CBFA2T3: variants seen among roughly 807,000 people sequenced by gnomAD.
The protein encoded by CBFA2T3 is transcriptional corepressor CBFA2T3.
CBFA2T3 carries 31 observed loss-of-function variants against 58.6 expected under a neutral mutation model. That is an observed-to-expected ratio of 0.53 (90% CI 0.40 to 0.71). CBFA2T3 has a LOEUF of 0.71. Ranked by LOEUF, CBFA2T3 falls within the 30% of genes least tolerant of loss-of-function variation. CBFA2T3 has a pLI of 0.00. For missense variants in CBFA2T3, 1,076 were observed against 963.1 expected (o/e 1.12, Z -1.55); for synonymous variants, 531 against 421.9 (o/e 1.26, Z -3.17).
At chr16:88,932,730 C>G (rs1971354090) in intron 1 of CBFA2T3, among the ~76,000 whole-genome samples, 1 of 139,102 alleles carries the variant, frequency 7.2e-6, no homozygotes, top group African/African-American at 2.7e-5. Context: ...GGTGGATCAC[C>G]TGAGGTCAGG....
At chr16:88,967,040 G>A (rs1972522868) in intron 1 of CBFA2T3, among the ~76,000 whole-genome samples, 1 of 152,128 alleles carries the variant, frequency 6.6e-6, no homozygotes, top group Non-Finnish European at 1.5e-5. Context: ...TTTGTAGCAC[G>A]GGAAATTGAC....
chr16:88,925,947 C>T (rs1004416955), intron 1 of CBFA2T3, among the ~76,000 whole-genome samples: 6 of 152,210 alleles, frequency 3.9e-5, no homozygotes, highest in Non-Finnish European at 7.4e-5. Flanking sequence ...AGGACCAGGA[C>T]CAGAAAGACA....
At chr16:88,896,586 T>G (rs1245097371) in intron 3 of CBFA2T3, among the ~76,000 whole-genome samples, 2 of 152,074 alleles carry the variant, frequency 1.3e-5, no homozygotes, top group Non-Finnish European at 2.9e-5. Context: ...CACGGTGGAC[T>G]GTGACACACA....
intron 3 of CBFA2T3, among the ~76,000 whole-genome samples, chr16:88,894,205 T>C (rs1969771839): frequency 7.0e-6 from 1 of 143,160 alleles, no homozygotes; most frequent in Non-Finnish European, 1.5e-5. Context: ...GCACACAATG[T>C]ACACACATGC....
intron 1 of CBFA2T3, among the ~76,000 whole-genome samples, chr16:88,962,495 TGTGATC>T (rs1972390923): frequency 6.6e-6 from 1 of 152,198 alleles, no homozygotes; most frequent in African/African-American, 2.4e-5. Context: ...GGAAAAGCAT[TGTGATC>T]CATTACCCAT....
At chr16:88,899,154 C>T (rs925661705) in intron 2 of CBFA2T3, among the ~76,000 whole-genome samples, 2 of 150,324 alleles carry the variant, frequency 1.3e-5, no homozygotes, top group Admixed American at 6.7e-5. Flanking sequence ...AAACTTCGGC[C>T]CTCAAGTCTC....
intron 1 of CBFA2T3, among the ~76,000 whole-genome samples, chr16:88,947,651 C>G (rs566323564): frequency 6.6e-6 from 1 of 152,336 alleles, no homozygotes; most frequent in Non-Finnish European, 1.5e-5. Flanking sequence ...TGGTGGCTCA[C>G]ACCTGTAATC....
intron 1 of CBFA2T3, among the ~76,000 whole-genome samples, chr16:88,915,275 G>T (rs1366375438): frequency 8.6e-6 from 1 of 116,922 alleles, no homozygotes; most frequent in African/African-American, 3.4e-5. Context: ...GGGTCGCGGG[G>T]TGGGGAAACT....
At chr16:88,915,631 TGTGGAGGAGGAGC>T (rs1386521658) in intron 1 of CBFA2T3, among the ~76,000 whole-genome samples, 2 of 7,950 alleles carry the variant, frequency 2.5e-4, no homozygotes, top group East Asian at 7.4e-3. Flanking sequence ...GAGGGGGGAG[TGTGGAGGAGGAGC>T]GTGGAGGGGG....
intron 5 of CBFA2T3, among the ~76,000 whole-genome samples, chr16:88,888,616 T>TGGGGGGGGGTGGGGGGGGGGGGGGGGGG (rs1969496595): frequency 8.5e-5 from 1 of 11,706 alleles, no homozygotes; most frequent in Non-Finnish European, 1.6e-4. Context: ...AGGGGTGGGG[T>TGGGGGGGGGTGGGGGGGGGGGGGGGGGG]GGGGGCTGCT....
intron 1 of CBFA2T3, among the ~76,000 whole-genome samples, chr16:88,966,358 G>T (rs533853016): frequency 6.6e-6 from 1 of 152,286 alleles, no homozygotes; most frequent in African/African-American, 2.4e-5. Flanking sequence ...GGCAGCCCCT[G>T]TGAGTGCCCA....
chr16:88,920,667 CAATGCCAAAGGCACCAAAAGTGCAGGT>C (rs754772355), intron 1 of CBFA2T3, among the ~76,000 whole-genome samples: 14 of 152,238 alleles, frequency 9.2e-5, no homozygotes, highest in Non-Finnish European at 1.8e-4. Context: ...CCCCACCACG[CAATGCCAAAGGCACCAAAAGTGCAGGT>C]GGACAAGGGC....
intron 1 of CBFA2T3, among the ~76,000 whole-genome samples, chr16:88,907,937 A>G (rs114555839): frequency 0.053 from 8,148 of 152,308 alleles, 358 homozygotes; most frequent in African/African-American, 0.12. Flanking sequence ...GGGTCTGGGC[A>G]TGCAGGAACT....
chr16:88,915,938 G>C (rs1970704224), intron 1 of CBFA2T3, among the ~76,000 whole-genome samples: 1 of 151,012 alleles, frequency 6.6e-6, no homozygotes, highest in Non-Finnish European at 1.5e-5. Context: ...GTGCGTGTGA[G>C]TGTGCATGCA....
chr16:88,885,034 C>T lies in CBFA2T3; in HGVS notation c.1117+12G>A, dbSNP rs369844657. ...ACACGCGTCCACGCTCCCGCCCCAC[C>T]GGGCTGCTCACCAAGCGGCCGATGG... On this transcript the variant is annotated intron_variant, in intron 7 of 11. Coordinates refer to ENST00000268679, the MANE Select transcript of CBFA2T3 (RefSeq NM_005187.6). The surrounding 1 kb of genome is among the most constrained non-coding windows in gnomAD (Gnocchi z 5.3). 8.1e-5 allele frequency: 128 copies of T among 1,583,514 alleles called. No individual in the cohort carries two copies. The highest frequency in any genetic ancestry group is 1.7e-4 in the Middle Eastern group (1 of 5,828).
chr16:88,881,314 G>A lies in CBFA2T3; in HGVS notation c.1379C>T (p.Ala460Val), dbSNP rs1179147280. ...ACCTAGCTGAGGCCCTTCGGGACCG[G>A]CGGAGCTGCTGCGGGGCCGGGCCGC... is the stretch of plus-strand genomic sequence containing the variant. ...PAAARPRSSS[A>V]GPEGPQLDVP... Residue 460 changes from alanine (A) to valine (V), a missense_variant, in exon 9 of 12, where the codon GCC becomes GTC. Transcript: ENST00000268679. 1 of 1,590,450 alleles carries A rather than the reference G, an allele frequency of 6.3e-7. No individual in the cohort carries two copies. Among genetic ancestry groups the A allele is most frequent in the Non-Finnish European group, 8.6e-7 (1 of 1,169,488 alleles).
intron 1 of CBFA2T3, among the ~76,000 whole-genome samples, chr16:88,933,307 TACGCCTCAC>T (rs1473906832): frequency 6.8e-6 from 1 of 146,028 alleles, no homozygotes; most frequent in East Asian, 2.1e-4. Context: ...CGTGCCTCTA[TACGCCTCAC>T]ACGCCTCACA....
intron 1 of CBFA2T3, among the ~76,000 whole-genome samples, chr16:88,955,063 T>C (rs373806430): frequency 0.059 from 355 of 6,052 alleles, no homozygotes; most frequent in Non-Finnish European, 0.073. Flanking sequence ...CTCCTGACCC[T>C]ACCCAAGGCT....
Position 88,936,585 on chromosome 16 carries a change from G to C in CBFA2T3, c.152-34929C>G, listed in dbSNP as rs1449350288. Reference sequence around the variant, plus strand: ...TGCCCAGACCCGACGGGGCAGAACCGGCCCTGGGTGGCTAAGCGGGCGGGA... The same window carrying C: ...TGCCCAGACCCGACGGGGCAGAACCCGCCCTGGGTGGCTAAGCGGGCGGGA... On this transcript the variant is annotated intron_variant, in intron 1 of 11. Transcript: ENST00000268679. Among the ~76,000 whole-genome samples the C allele has an allele frequency of 3.3e-5, 5 of 152,218 alleles. No homozygotes were observed. The East Asian group carries it at 5.8e-4, about 18-fold the overall frequency.
Sources: gnomAD v4.1 joint callset for allele counts (sites outside exome capture counted in the v4.1 genomes callset) on GRCh38, gnomAD v4.1.1 for gene constraint, Gnocchi (gnomAD v3.1) non-coding constraint, MANE v1.5 for transcripts, NCBI Gene and HGNC (gene_info 2026-07-23, HGNC 2026-07-21) for gene names.